Variants in FGFR2 observed in about 807,000 individuals in gnomAD.
FGFR2 encodes fibroblast growth factor receptor 2.
FGFR2 carries 19 observed loss-of-function variants against 95.9 expected under a neutral mutation model. The ratio of observed to expected loss-of-function variants is 0.20; its 90% confidence interval spans 0.14 to 0.29. FGFR2 has a LOEUF of 0.29. FGFR2 is among the 10% of genes least tolerant of loss of function. The pLI is 1.00. For synonymous variants in FGFR2, 392 were observed against 393.3 expected (o/e 1.00, Z 0.04); for missense variants, 707 against 1,056.9 (o/e 0.67, Z 4.59).
intron 2 of FGFR2, among the ~76,000 whole-genome samples, chr10:121,578,461 A>G (rs1860287901): frequency 6.6e-6 from 1 of 152,230 alleles, no homozygotes; most frequent in African/African-American, 2.4e-5. Context: ...CCTCTAGGAC[A>G]TGCACAGCCA....
rs376419971 is a variant in FGFR2 at position 121,531,737 on chromosome 10, G to A, written c.748+6855C>T. Among the ~76,000 whole-genome samples, 26 of 152,260 alleles carry A rather than the reference G, an allele frequency of 1.7e-4. 1 individual carries two copies. In the East Asian group the frequency reaches 4.6e-3, roughly 27 times the overall value. The stretch of plus-strand genomic sequence containing the variant: ...CTAAGGCCATAGAGTTAGCAAGGGT[G>A]GAAACAGAACTTGACACCCCTCTCC... On this transcript the variant is annotated intron_variant, in intron 6 of 17. Coordinates refer to ENST00000358487, the MANE Select transcript of FGFR2 (RefSeq NM_000141.5). This position sits in a 1 kb window ranked among gnomAD's most constrained non-coding sequence, Gnocchi z 4.5.
intron 9 of FGFR2, among the ~76,000 whole-genome samples, chr10:121,512,585 G>T (rs909330328): frequency 7.9e-5 from 12 of 151,518 alleles, no homozygotes; most frequent in African/African-American, 2.9e-4. Flanking sequence ...TTTTGAGTTG[G>T]AGTCTCGCTG....
intron 6 of FGFR2, among the ~76,000 whole-genome samples, chr10:121,521,828 C>T (rs145559413): frequency 2.0e-5 from 3 of 152,192 alleles, no homozygotes; most frequent in Admixed American, 2.0e-4. Context: ...TCTAAAAGAA[C>T]TGCAATCAGG....
intron 9 of FGFR2, among the ~76,000 whole-genome samples, chr10:121,513,287 C>A (rs1433462174): frequency 6.6e-6 from 1 of 152,170 alleles, no homozygotes; most frequent in African/African-American, 2.4e-5. Flanking sequence ...TCTTCTTAGT[C>A]CTCAAGGATC....
intron 6 of FGFR2, 70 bp downstream of exon 6, chr10:121,538,522 T>C (rs2134596755): frequency 6.2e-7 from 1 of 1,608,142 alleles, no homozygotes; most frequent in Non-Finnish European, 8.5e-7. Flanking sequence ...GACTTAACGT[T>C]CATGCTTTCA....
chr10:121,495,822 C>A (rs952483224), intron 13 of FGFR2, among the ~76,000 whole-genome samples: 1 of 152,238 alleles, frequency 6.6e-6, no homozygotes, highest in African/African-American at 2.4e-5. Flanking sequence ...GGCAGCTCCG[C>A]CCCTCCGCTT....
chr10:121,496,925 G>A (rs193291185), intron 12 of FGFR2, among the ~76,000 whole-genome samples: 1 of 151,272 alleles, frequency 6.6e-6, no homozygotes, highest in African/African-American at 2.4e-5. Flanking sequence ...GAGGCCAGGA[G>A]TTCAAGACCA....
At chr10:121,488,265 G>T in intron 13 of FGFR2, 152 bp from the exon 14 acceptor site, 1 of 1,104,782 alleles carries the variant, frequency 9.1e-7, no homozygotes, top group Non-Finnish European at 1.3e-6. Context: ...GTGTGGCCGG[G>T]TGCGGTGGCT....
intron 4 of FGFR2, among the ~76,000 whole-genome samples, chr10:121,561,987 A>G (rs2135045601): frequency 6.6e-6 from 1 of 152,302 alleles, no homozygotes; most frequent in Admixed American, 6.5e-5. Context: ...AAAACAACAA[A>G]ATACCATTAC....
At chr10:121,493,103 T>C (rs1030687156) in intron 13 of FGFR2, among the ~76,000 whole-genome samples, 2 of 152,158 alleles carry the variant, frequency 1.3e-5, no homozygotes, top group African/African-American at 2.4e-5. Flanking sequence ...TGCTTCCTCA[T>C]CGTCCTCCCC....
chr10:121,510,023 C>T (rs961205305), intron 9 of FGFR2, among the ~76,000 whole-genome samples: 15 of 152,142 alleles, frequency 9.9e-5, no homozygotes, highest in African/African-American at 3.6e-4. Context: ...TACTTCTGCT[C>T]TAATATAAGC....
intron 5 of FGFR2, among the ~76,000 whole-genome samples, chr10:121,547,585 G>A (rs1361569435): frequency 1.3e-5 from 2 of 151,834 alleles, no homozygotes; most frequent in Non-Finnish European, 2.9e-5. Flanking sequence ...TTGCAGAAAT[G>A]GGGGTCTCAC....
chr10:121,479,100 A>G lies in FGFR2; in HGVS notation c.*757T>C, dbSNP rs1249656133. ...TCCCCAAATTAGTCATATATTGTAAATATTCTCTTTTCAAAGGATCTGATA... is the reference window on the plus strand; with the variant it reads ...TCCCCAAATTAGTCATATATTGTAAGTATTCTCTTTTCAAAGGATCTGATA... On this transcript the variant is annotated 3_prime_UTR_variant, in exon 18 of 18. Coordinates refer to ENST00000358487, the MANE Select transcript of FGFR2 (RefSeq NM_000141.5). 1 of 232,706 alleles carries G rather than the reference A, an allele frequency of 4.3e-6. No homozygotes were observed. Among genetic ancestry groups the G allele is most frequent in the African/African-American group, 2.2e-5 (1 of 45,304 alleles). 14.4% of individuals were successfully genotyped at this position (232,706 alleles called of 1,614,324 possible). A position where few individuals can be genotyped will look rare whatever the true frequency, so the allele number is the denominator to read the frequency against.
At chr10:121,549,811 A>C (rs573965219) in intron 5 of FGFR2, among the ~76,000 whole-genome samples, 1 of 152,214 alleles carries the variant, frequency 6.6e-6, no homozygotes, top group Non-Finnish European at 1.5e-5. Context: ...TAACCCTTCC[A>C]ATGAGACCTC....
intron 13 of FGFR2, among the ~76,000 whole-genome samples, chr10:121,492,951 T>G (rs1046261393): frequency 7.9e-5 from 12 of 152,192 alleles, no homozygotes; most frequent in Admixed American, 5.2e-4. Flanking sequence ...AGGGGCCTCA[T>G]GAGAGCAGGA....
At chr10:121,590,756 G>A (rs1011409751) in intron 2 of FGFR2, among the ~76,000 whole-genome samples, 10 of 152,158 alleles carry the variant, frequency 6.6e-5, no homozygotes, top group Non-Finnish European at 1.2e-4. Flanking sequence ...ACCCTCTAGT[G>A]TTAGGGCCCA....
chr10:121,568,435 G>A (rs1013380511), intron 2 of FGFR2, among the ~76,000 whole-genome samples: 5 of 152,120 alleles, frequency 3.3e-5, no homozygotes, highest in Admixed American at 6.5e-5. Flanking sequence ...GAAATGTTAT[G>A]GAATGTACTT....
rs1291747099 is a variant in FGFR2 at position 121,515,136 on chromosome 10, G to A, written c.1268C>T (p.Pro423Leu). The A allele has an allele frequency of 6.2e-7, 1 of 1,614,040 alleles. No homozygotes were observed. The highest frequency in any genetic ancestry group is 8.5e-7 in the Non-Finnish European group (1 of 1,180,038). The stretch of plus-strand genomic sequence containing the variant: ...ACTTTCTGTTACCTGTCTCCGCAGG[G>A]GGATACGTTTGGTCAGCTTGTGCAC... Reference protein sequence around the residue: ...PAVHKLTKRIPLRRQVTVSAE... With the variant: ...PAVHKLTKRILLRRQVTVSAE... The change falls in exon 9 of 18, where the codon CCC becomes CTC. Residue 423 changes from proline to leucine, a missense_variant. This residue lies in a region of FGFR2 where 194 missense variants were observed against 267.3 expected (regional missense o/e 0.73). Transcript: ENST00000358487.
intron 4 of FGFR2, 54 bp from the exon 5 acceptor site, chr10:121,551,513 G>C (rs1195445204): frequency 4.0e-6 from 6 of 1,518,160 alleles, no homozygotes; most frequent in Non-Finnish European, 5.5e-6. Context: ...TCCCCTCCAT[G>C]AGTAAACTCC....
Sources: gnomAD v4.1 joint callset for allele counts (sites outside exome capture counted in the v4.1 genomes callset) on GRCh38, gnomAD v4.1.1 for gene constraint, gnomAD v4.1.1 regional missense constraint, Gnocchi (gnomAD v3.1) non-coding constraint, MANE v1.5 for transcripts, NCBI Gene and HGNC (gene_info 2026-07-23, HGNC 2026-07-21) for gene names.